Variants in DOCK6 observed in about 807,000 individuals in gnomAD.
The protein encoded by DOCK6 is dedicator of cytokinesis protein 6.
In DOCK6, 167 loss-of-function variants were observed where a neutral mutation model predicts 230.3. That is an observed-to-expected ratio of 0.73 (90% CI 0.64 to 0.82). The LOEUF is 0.82. Among genes scored for constraint, DOCK6 ranks in the 40% least tolerant of loss-of-function variants. DOCK6 has a pLI of 0.00. For missense variants in DOCK6, 2,598 were observed against 2,825.8 expected (o/e 0.92, Z 1.83); for synonymous variants, 1,148 against 1,185.0 (o/e 0.97, Z 0.64).
chr19:11,200,589 AG>A lies in DOCK6; in HGVS notation c.5940-121del. 3.3e-6 allele frequency: 5 copies of A among 1,505,058 alleles called. No individual in the cohort carries two copies. The highest frequency in any genetic ancestry group is 3.6e-6 in the Non-Finnish European group (4 of 1,116,452). The allele number at this position is 1,505,058 out of a possible 1,614,324, so 93.2% of individuals were successfully genotyped here. On this transcript the variant is annotated intron_variant, in intron 46 of 47. Coordinates refer to ENST00000294618, the MANE Select transcript of DOCK6 (RefSeq NM_020812.4). This position sits in a 1 kb window ranked among gnomAD's most constrained non-coding sequence, Gnocchi z 4.3. ...GCAGAAAGACCCGCAATAGGAGGTC[AG>A]GTTGGGAGAGTGGACTTAATGGGAA...
intron 39 of DOCK6, 71 bp downstream of exon 39, chr19:11,208,615 C>A (rs2079304745): frequency 1.3e-6 from 2 of 1,558,428 alleles, no homozygotes; most frequent in Non-Finnish European, 1.7e-6. Flanking sequence ...CTGGAAGGGT[C>A]TAGGAAGCAG....
In DOCK6 at chr19:11,259,819, G is replaced by C. The variant is rs887581391; in HGVS notation, c.44+2578C>G. On this transcript the variant is annotated intron_variant, in intron 1 of 47. Coordinates refer to ENST00000294618, the MANE Select transcript of DOCK6 (RefSeq NM_020812.4). ...GCTGGTCTCGAACTCCTGACCTCAGGTGATCCACCTGCCTCGGCCTCCCAA... is the reference window on the plus strand; with the variant it reads ...GCTGGTCTCGAACTCCTGACCTCAGCTGATCCACCTGCCTCGGCCTCCCAA... 3.3e-5 allele frequency among the ~76,000 whole-genome samples: 5 copies of C among 149,652 alleles called. No individual in the cohort carries two copies. In the South Asian group the frequency reaches 1.0e-3, roughly 31 times the overall value.
rs1484908094 is a variant in DOCK6 at position 11,222,491 on chromosome 19, C to G, written c.3241-243G>C. Among the ~76,000 whole-genome samples, 1 of 152,036 alleles carries G rather than the reference C, an allele frequency of 6.6e-6. No individual in the cohort carries two copies. The highest frequency in any genetic ancestry group is 2.4e-5 in the African/African-American group (1 of 41,386). ...CAAAAGTCAGAGGACTGAGAAATAG[C>G]AGATGGAACACTGGGCTGGGAGTTA... On this transcript the variant is annotated intron_variant, in intron 26 of 47. Coordinates refer to ENST00000294618, the MANE Select transcript of DOCK6 (RefSeq NM_020812.4). This position sits in a 1 kb window ranked among gnomAD's most constrained non-coding sequence, Gnocchi z 4.0.
Position 11,201,858 on chromosome 19 carries a change from C to G in DOCK6, c.5688+31G>C. The G allele has an allele frequency of 1.3e-6, 2 of 1,508,990 alleles. No individual in the cohort carries two copies. Among genetic ancestry groups the G allele is most frequent in the Non-Finnish European group, 1.8e-6 (2 of 1,115,284 alleles). The allele number at this position is 1,508,990 out of a possible 1,614,324, so 93.5% of individuals were successfully genotyped here. A position where few individuals can be genotyped will look rare whatever the true frequency, so the allele number is the denominator to read the frequency against. On this transcript the variant is annotated intron_variant, in intron 44 of 47. Coordinates refer to ENST00000294618, the MANE Select transcript of DOCK6 (RefSeq NM_020812.4). The surrounding 1 kb of genome is among the most constrained non-coding windows in gnomAD (Gnocchi z 4.3). ...AGGGTCTGATGTCCCCTCACCTCCC[C>G]ACCCCCGCCAGGCCCAGGATCCCCA...
chr19:11,227,618 G>A, intron 23 of DOCK6, 141 bp from the exon 24 acceptor site: 1 of 1,048,438 alleles, frequency 9.5e-7, no homozygotes, highest in South Asian at 1.6e-5. Flanking sequence ...GGTGGAGGAG[G>A]CTTGACAGGA....
chr19:11,230,393 G>T lies in DOCK6; in HGVS notation c.2719-1358C>A, dbSNP rs564328286. 6.6e-5 allele frequency among the ~76,000 whole-genome samples: 10 copies of T among 152,280 alleles called. 1 individual carries two copies. The South Asian group carries it at 1.9e-3, about 28-fold the overall frequency. ...GAGAATAACAATGAAAACACAGTACGCCAGTGACCAGTGACAGCAGTGCAA... is the reference window on the plus strand; with the variant it reads ...GAGAATAACAATGAAAACACAGTACTCCAGTGACCAGTGACAGCAGTGCAA... On this transcript the variant is annotated intron_variant, in intron 22 of 47. Transcript: ENST00000294618.
chr19:11,242,057 T>A lies in DOCK6; in HGVS notation c.1631A>T (p.His544Leu). Residue 544 changes from histidine to leucine, a missense_variant, in exon 14 of 48, where the codon CAT becomes CTT. Coordinates refer to ENST00000294618, the MANE Select transcript of DOCK6 (RefSeq NM_020812.4). ...EFPAREVYAP[H>L]TSYRNLLYVY... ...CCAGAGGCCGTACCTGTAGCTGGTATGGGGGGCATAGACTTCGCGGGCGGG... is the reference window on the plus strand; with the variant it reads ...CCAGAGGCCGTACCTGTAGCTGGTAAGGGGGGCATAGACTTCGCGGGCGGG... 6.4e-7 allele frequency: 1 copy of A among 1,565,716 alleles called. No homozygotes were observed. The highest frequency in any genetic ancestry group is 2.3e-5 in the East Asian group (1 of 44,216).
intron 9 of DOCK6, among the ~76,000 whole-genome samples, chr19:11,244,438 C>T (rs946629520): frequency 6.7e-6 from 1 of 149,108 alleles, no homozygotes; most frequent in Non-Finnish European, 1.5e-5. Flanking sequence ...CAGGCATGAC[C>T]CACCACACCT....
chr19:11,245,869 A>C lies in DOCK6; in HGVS notation c.816T>G (p.Ile272Met). ...LVKCLSLKFE[I>M]EIEPIFGILA... ...AGATCCCAAAGATGGGCTCAATTTCAATCTCGAACCTACAAGTAAATGGGA... is the reference window on the plus strand; with the variant it reads ...AGATCCCAAAGATGGGCTCAATTTCCATCTCGAACCTACAAGTAAATGGGA... The change falls in exon 8 of 48, where the codon ATT becomes ATG. Residue 272 changes from isoleucine to methionine, a missense_variant. Coordinates refer to ENST00000294618, the MANE Select transcript of DOCK6 (RefSeq NM_020812.4). 7 of 1,563,672 alleles carry C rather than the reference A, an allele frequency of 4.5e-6. No individual in the cohort carries two copies. Among genetic ancestry groups the C allele is most frequent in the Non-Finnish European group, 6.1e-6 (7 of 1,153,660 alleles).
intron 14 of DOCK6, among the ~76,000 whole-genome samples, chr19:11,241,074 G>T: frequency 6.6e-6 from 1 of 151,708 alleles, no homozygotes; most frequent in Admixed American, 6.6e-5. Context: ...GTGAAACCCC[G>T]TCTCTACTAA....
At chr19:11,251,966 A>C (rs181250049) in intron 5 of DOCK6, 153 bp downstream of exon 5, 1 of 1,120,346 alleles carries the variant, frequency 8.9e-7, no homozygotes, top group East Asian at 2.6e-5. Flanking sequence ...AAATGTTTAT[A>C]ATTATGACCC....
At chr19:11,204,468 C>T (rs941246023) in intron 39 of DOCK6, 137 bp from the exon 40 acceptor site, 3 of 1,242,048 alleles carry the variant, frequency 2.4e-6, no homozygotes, top group Admixed American at 2.8e-5. Flanking sequence ...ACCCTGACCA[C>T]CCCTATCCCA....
At chr19:11,238,409 G>A in intron 14 of DOCK6, 105 bp from the exon 15 acceptor site, 3 of 1,046,372 alleles carry the variant, frequency 2.9e-6, no homozygotes, top group Non-Finnish European at 4.2e-6. Context: ...GACAGTCCAG[G>A]AAGAGTAGGT....
At chr19:11,209,613 C>T (rs1403909948) in intron 37 of DOCK6, among the ~76,000 whole-genome samples, 2 of 128,380 alleles carry the variant, frequency 1.6e-5, no homozygotes, top group African/African-American at 3.0e-5. Context: ...CTCACCTGTC[C>T]ACCCTCTCAC....
At chr19:11,220,024 G>C (rs939813259) in intron 28 of DOCK6, among the ~76,000 whole-genome samples, 5 of 151,654 alleles carry the variant, frequency 3.3e-5, no homozygotes, top group Non-Finnish European at 7.4e-5. Context: ...CACAATCTCG[G>C]CTCACTGCGA....
chr19:11,233,015 C>T (rs1490764459), intron 22 of DOCK6, among the ~76,000 whole-genome samples, 188 bp downstream of exon 22: 1 of 152,142 alleles, frequency 6.6e-6, no homozygotes, highest in Non-Finnish European at 1.5e-5. Flanking sequence ...CGGAGTAGAG[C>T]TCAACACAAA....
intron 16 of DOCK6, 116 bp from the exon 17 acceptor site, chr19:11,237,895 C>T (rs2079876979): frequency 2.1e-6 from 3 of 1,406,732 alleles, no homozygotes; most frequent in African/African-American, 2.8e-5. Context: ...TGCTGTCTGC[C>T]TCAGCTTCCC....
In DOCK6 at chr19:11,200,154, A is replaced by C. The variant is rs1380082996; in HGVS notation, c.6101+154T>G. 1.3e-5 allele frequency among the ~76,000 whole-genome samples: 2 copies of C among 151,422 alleles called. No individual in the cohort carries two copies. Among genetic ancestry groups the C allele is most frequent in the East Asian group, 1.9e-4 (1 of 5,144 alleles). On this transcript the variant is annotated intron_variant, in intron 47 of 47. Coordinates refer to ENST00000294618, the MANE Select transcript of DOCK6 (RefSeq NM_020812.4). This position sits in a 1 kb window ranked among gnomAD's most constrained non-coding sequence, Gnocchi z 4.3. ...CAACAGAGGGAGAGTCTCTCAAAAA[A>C]AAAAACAAAAAAAAAACCGGAAACA...
chr19:11,241,566 AG>A, intron 14 of DOCK6: 1 of 1,554,342 alleles, frequency 6.4e-7, no homozygotes, highest in South Asian at 1.2e-5. Flanking sequence ...TGAGCCTGGC[AG>A]GGGTTTGGCA....
Sources: allele counts gnomAD v4.1 joint callset (sites outside exome capture counted in the v4.1 genomes callset), GRCh38; gene constraint gnomAD v4.1.1; non-coding constraint Gnocchi (gnomAD v3.1); transcripts MANE v1.5; gene names NCBI Gene and HGNC (gene_info 2026-07-23, HGNC 2026-07-21).